Variants in LHX4 observed in about 807,000 individuals in gnomAD.
LHX4 encodes LIM homeobox 4.
A neutral mutation model predicts 39.2 loss-of-function variants in LHX4; 16 were observed. The observed-to-expected ratio is 0.41, with a 90% CI of 0.28 to 0.62. The LOEUF (loss-of-function observed/expected upper bound fraction) is 0.62. Ranked by LOEUF, LHX4 falls within the 20% of genes least tolerant of loss-of-function variation. The pLI, the probability that LHX4 is intolerant of heterozygous loss-of-function variation, is 0.33. For missense variants in LHX4, 439 were observed against 511.9 expected (o/e 0.86, Z 1.37); for synonymous variants, 206 against 198.1 (o/e 1.04, Z -0.33).
chr1:180,254,859 C>T (rs1374417866), intron 2 of LHX4, among the ~76,000 whole-genome samples: 1 of 152,142 alleles, frequency 6.6e-6, no homozygotes, highest in African/African-American at 2.4e-5. Flanking sequence ...CTTAGGAAGG[C>T]CATGAGGGGC....
At position 180,275,735 on chromosome 1, in the gene LHX4, A is replaced by G. The variant is rs764219495; in HGVS notation, c.*1156A>G. Reference sequence around the variant, plus strand: ...TTAGGGAGCAGCCCTAAAATTGTCCAAAGGGTTCTAAGTGGTTCTTGGGCT... The same window carrying G: ...TTAGGGAGCAGCCCTAAAATTGTCCGAAGGGTTCTAAGTGGTTCTTGGGCT... On this transcript the variant is annotated 3_prime_UTR_variant, in exon 6 of 6. Coordinates refer to ENST00000263726, the MANE Select transcript of LHX4 (RefSeq NM_033343.4). 2.0e-5 allele frequency: 3 copies of G among 152,206 alleles called. No individual in the cohort carries two copies. The highest frequency in any genetic ancestry group is 4.4e-5 in the Non-Finnish European group (3 of 68,048). 9.4% of individuals were successfully genotyped at this position (152,206 alleles called of 1,614,324 possible). A position where few individuals can be genotyped will look rare whatever the true frequency, so the allele number is the denominator to read the frequency against.
chr1:180,257,287 G>C (rs1458010314), intron 2 of LHX4, among the ~76,000 whole-genome samples: 1 of 152,214 alleles, frequency 6.6e-6, no homozygotes, highest in Non-Finnish European at 1.5e-5. Flanking sequence ...TTTTCCAGCA[G>C]CATTCATCTC....
chr1:180,270,997 C>T, intron 3 of LHX4: 1 of 322,334 alleles, frequency 3.1e-6, no homozygotes, highest in Non-Finnish European at 6.1e-6. Context: ...ATGACTTCAA[C>T]CTGGCTGTTC....
chr1:180,253,845 CCAG>C (rs954264528), intron 2 of LHX4, among the ~76,000 whole-genome samples: 4 of 152,198 alleles, frequency 2.6e-5, no homozygotes, highest in African/African-American at 9.6e-5. Flanking sequence ...CTCCCCTGTA[CCAG>C]CCTTGAGAGC....
intron 3 of LHX4, chr1:180,271,157 A>G (rs547352247): frequency 1.8e-5 from 11 of 609,784 alleles, no homozygotes; most frequent in Non-Finnish European, 3.0e-5. Flanking sequence ...CTGAGCAGAG[A>G]AAGGACTGCT....
At chr1:180,244,672 CT>C (rs1370992284) in intron 1 of LHX4, among the ~76,000 whole-genome samples, 1 of 152,236 alleles carries the variant, frequency 6.6e-6, no homozygotes, top group Non-Finnish European at 1.5e-5. Flanking sequence ...TCTCAGAGGG[CT>C]GGCCAAACAA....
At chr1:180,248,835 T>G in intron 2 of LHX4, 1 of 320,610 alleles carries the variant, frequency 3.1e-6, no homozygotes, top group African/African-American at 2.1e-5. Context: ...GGTTGTAACA[T>G]TCCCACAACT....
chr1:180,273,871 G>C, intron 5 of LHX4: 1 of 395,060 alleles, frequency 2.5e-6, no homozygotes, highest in South Asian at 2.6e-5. Flanking sequence ...CCCAGCCTTA[G>C]GCATTCATCC....
At chr1:180,238,960 T>C (rs1664389168) in intron 1 of LHX4, among the ~76,000 whole-genome samples, 2 of 152,194 alleles carry the variant, frequency 1.3e-5, no homozygotes, top group Admixed American at 1.3e-4. Context: ...CCAGGTGATT[T>C]AAAAGGGGAA....
chr1:180,274,648 T>C lies in LHX4; in HGVS notation c.*69T>C. 6.8e-7 allele frequency: 1 copy of C among 1,479,070 alleles called. No individual in the cohort carries two copies. The highest frequency in any genetic ancestry group is 9.0e-7 in the Non-Finnish European group (1 of 1,113,284). The allele number at this position is 1,479,070 out of a possible 1,614,324, so 91.6% of individuals were successfully genotyped here. The stretch of plus-strand genomic sequence containing the variant: ...ATATCTTCAAGGATCAAAAGAGACT[T>C]GCCTTTTAAGGATCGAAAGTACGCC... On this transcript the variant is annotated 3_prime_UTR_variant, in exon 6 of 6. Coordinates refer to ENST00000263726, the MANE Select transcript of LHX4 (RefSeq NM_033343.4).
chr1:180,230,226 G>T (rs974154658), upstream of LHX4: 6 of 472,230 alleles, frequency 1.3e-5, no homozygotes, highest in South Asian at 8.7e-5. This position sits in a 1 kb window ranked among gnomAD's most constrained non-coding sequence, Gnocchi z 5.8. Context: ...GAGGGGGAGG[G>T]GGAAGGAGCG....
chr1:180,241,995 T>TC (rs1450769665), intron 1 of LHX4, among the ~76,000 whole-genome samples: 3 of 152,014 alleles, frequency 2.0e-5, no homozygotes, highest in Admixed American at 6.6e-5. Flanking sequence ...TTTTTTTTTT[T>TC]CTGTAGAGAC....
upstream of LHX4, among the ~76,000 whole-genome samples, chr1:180,229,961 G>GGGGGGGCGGGGGGGGC (rs1664129330): frequency 2.1e-5 from 1 of 48,650 alleles, no homozygotes; most frequent in Non-Finnish European, 3.5e-5. Context: ...GGCGGAGGCG[G>GGGGGGGCGGGGGGGGC]GGAGGGGGGG....
rs1664148804 is a variant in LHX4 at position 180,230,423 on chromosome 1, A to G, written c.-107A>G. On this transcript the variant is annotated 5_prime_UTR_variant, in exon 1 of 6. Coordinates refer to ENST00000263726, the MANE Select transcript of LHX4 (RefSeq NM_033343.4). The surrounding 1 kb of genome is among the most constrained non-coding windows in gnomAD (Gnocchi z 5.8). The stretch of plus-strand genomic sequence containing the variant: ...AGGGCCCGGCTTCCACCGTGACTCC[A>G]GCGGCCTGCTTGGGGTTTTAATTAT... 5 of 929,938 alleles carry G rather than the reference A, an allele frequency of 5.4e-6. No individual in the cohort carries two copies. The highest frequency in any genetic ancestry group is 8.5e-6 in the Non-Finnish European group (5 of 590,792). The allele number at this position is 929,938 out of a possible 1,614,324, so 57.6% of individuals were successfully genotyped here.
rs185403362 is a variant in LHX4, at chr1:180,266,185, C to G, written c.249-207C>G. 6.6e-6 allele frequency among the ~76,000 whole-genome samples: 1 copy of G among 152,312 alleles called. No individual in the cohort carries two copies. Among genetic ancestry groups the G allele is most frequent in the East Asian group, 1.9e-4 (1 of 5,186 alleles). On this transcript the variant is annotated intron_variant, in intron 2 of 5. Coordinates refer to ENST00000263726, the MANE Select transcript of LHX4 (RefSeq NM_033343.4). The surrounding 1 kb of genome is among the most constrained non-coding windows in gnomAD (Gnocchi z 5.7). ...GGGAGACTCTAGTTCTCATCAGTCCCTTCTTTGGTGGTTGAAGAGTCCCAG... is the reference window on the plus strand; with the variant it reads ...GGGAGACTCTAGTTCTCATCAGTCCGTTCTTTGGTGGTTGAAGAGTCCCAG...
chr1:180,275,512 C>A lies in LHX4; in HGVS notation c.*933C>A, dbSNP rs1428811561. The A allele has an allele frequency of 6.6e-6, 1 of 152,226 alleles. No individual in the cohort carries two copies. Among genetic ancestry groups the A allele is most frequent in the East Asian group, 1.9e-4 (1 of 5,198 alleles). The allele number at this position is 152,226 out of a possible 1,614,324, so 9.4% of individuals were successfully genotyped here. ...TCTGTTCAGCCATATCGGCTGATGC[C>A]AGTCTTCCAGAGTTCCCCATCCCTT... On this transcript the variant is annotated 3_prime_UTR_variant, in exon 6 of 6. Transcript: ENST00000263726.
rs139792640 is a variant in LHX4, at chr1:180,251,384, A to T, written c.248+2928A>T. Among the ~76,000 whole-genome samples the T allele has an allele frequency of 1.8e-3, 280 of 152,268 alleles. 2 individuals are homozygous for T. The highest frequency in any genetic ancestry group is 6.3e-3 in the African/African-American group (263 of 41,550). On this transcript the variant is annotated intron_variant, in intron 2 of 5. Transcript: ENST00000263726. The stretch of plus-strand genomic sequence containing the variant: ...GCTTCCATCCTTCCAGGGTCCTCAG[A>T]GTCCAGCTCCGCGGCAGACAGGATC...
intron 2 of LHX4, among the ~76,000 whole-genome samples, chr1:180,265,221 G>C (rs988264198): frequency 1.2e-4 from 18 of 152,206 alleles, no homozygotes; most frequent in African/African-American, 4.3e-4. Context: ...ACCTTCCCCA[G>C]ATCCATTAGG....
In LHX4 at chr1:180,271,681, C is replaced by G. The variant is rs1648670228; in HGVS notation, c.606+147C>G. ...CAGAACTGAAGACAGAGTTCTGAGG[C>G]CCACCTGGGGAGAGGGGGTGGGGCG... is the stretch of plus-strand genomic sequence containing the variant. On this transcript the variant is annotated intron_variant, in intron 4 of 5. Coordinates refer to ENST00000263726, the MANE Select transcript of LHX4 (RefSeq NM_033343.4). 5.3e-6 allele frequency: 7 copies of G among 1,309,038 alleles called. No individual in the cohort carries two copies. In the Admixed American group the frequency reaches 1.2e-4, roughly 22 times the overall value. The allele number at this position is 1,309,038 out of a possible 1,614,324, so 81.1% of individuals were successfully genotyped here. A position where few individuals can be genotyped will look rare whatever the true frequency, so the allele number is the denominator to read the frequency against.
Sources: gnomAD v4.1 joint callset for allele counts (sites outside exome capture counted in the v4.1 genomes callset) on GRCh38, gnomAD v4.1.1 for gene constraint, Gnocchi (gnomAD v3.1) non-coding constraint, MANE v1.5 for transcripts, NCBI Gene and HGNC (gene_info 2026-07-23, HGNC 2026-07-21) for gene names.